Variants in ZNF236 observed in about 807,000 individuals in gnomAD.
ZNF236 encodes the protein regulated by glucose.
Under a neutral mutation model 191.2 loss-of-function variants are expected in ZNF236, and 50 were observed. The ratio of observed to expected loss-of-function variants is 0.26; its 90% CI spans 0.21 to 0.33. The LOEUF (loss-of-function observed/expected upper bound fraction) is 0.33. Among genes scored for constraint, ZNF236 ranks in the 10% least tolerant of loss-of-function variants. The pLI is 1.00. For synonymous variants in ZNF236, 907 were observed against 928.8 expected, an observed-to-expected ratio of 0.98 and a Z score of 0.43; for missense variants, 1,754 against 2,374.5, an observed-to-expected ratio of 0.74 and a Z score of 5.43.
chr18:76,889,589 A>G (rs1425159141), intron 9 of ZNF236, among the ~76,000 whole-genome samples: 2 of 152,366 alleles, frequency 1.3e-5, no homozygotes, highest in South Asian at 2.1e-4. Context: ...CTCATCTGTA[A>G]GGTGGGACTA....
intron 8 of ZNF236, 37 bp from the exon 9 acceptor site, chr18:76,881,247 C>T (rs375551842): frequency 5.1e-6 from 8 of 1,579,434 alleles, no homozygotes; most frequent in South Asian, 1.2e-5. Context: ...GTTGGGCCAT[C>T]GTTACCTTCT....
rs942309397 is a variant in ZNF236, at chr18:76,881,371, G to A, written c.1276G>A (p.Ala426Thr). 7 of 1,613,792 alleles carry A rather than the reference G, an allele frequency of 4.3e-6. No individual in the cohort carries two copies. The Admixed American group carries it at 6.7e-5, about 15-fold the overall frequency. Residue 426 changes from alanine (A) to threonine (T), a missense_variant, in exon 9 of 31, where the codon GCT becomes ACT. Coordinates refer to ENST00000320610, the MANE Select transcript of ZNF236 (RefSeq NM_001306089.2). ...SCHAKTSAPH[A>T]QNPDVSSVSN... is the part of the protein sequence containing the mutation. ...CCATGCCAAGACCTCTGCACCACACGCTCAAAACCCAGATGTTTCCAGCGT... is the reference window on the plus strand; with the variant it reads ...CCATGCCAAGACCTCTGCACCACACACTCAAAACCCAGATGTTTCCAGCGT...
intron 26 of ZNF236, among the ~76,000 whole-genome samples, chr18:76,947,117 TTCATA>T (rs1968283227): frequency 6.6e-6 from 1 of 152,190 alleles, no homozygotes; most frequent in Non-Finnish European, 1.5e-5. Context: ...TTCTGGGTAT[TTCATA>T]GAAATGTGAT....
intron 30 of ZNF236, among the ~76,000 whole-genome samples, chr18:76,966,356 C>A (rs1026844551): frequency 6.6e-6 from 1 of 151,960 alleles, no homozygotes; most frequent in Non-Finnish European, 1.5e-5. Flanking sequence ...CACACACACA[C>A]AGAGACACAC....
At chr18:76,933,298 G>A (rs1429278245) in intron 25 of ZNF236, among the ~76,000 whole-genome samples, 2 of 152,148 alleles carry the variant, frequency 1.3e-5, no homozygotes, top group African/African-American at 2.4e-5. Flanking sequence ...GTGAAACCCC[G>A]TCTCCATTAA....
intron 1 of ZNF236, among the ~76,000 whole-genome samples, chr18:76,827,375 A>G (rs1975048320): frequency 6.6e-6 from 1 of 151,912 alleles, no homozygotes; most frequent in Non-Finnish European, 1.5e-5. Flanking sequence ...TTTAGTAGAG[A>G]TGGGGTTTCA....
chr18:76,875,548 C>T lies in ZNF236; in HGVS notation c.724C>T (p.Leu242=), dbSNP rs751299893. ...AAAGGCTTTTAACCAGAAGGGGGCA[C>T]TGCAGACCCACATGATCAAGCACAC... ...CGKAFNQKGA[L]QTHMIKHTGE... Residue 242 remains leucine (L), a synonymous_variant, in exon 6 of 31, where the codon CTG becomes TTG. Coordinates refer to ENST00000320610, the MANE Select transcript of ZNF236 (RefSeq NM_001306089.2). This position sits in a 1 kb window ranked among gnomAD's most constrained non-coding sequence, Gnocchi z 4.3. 60 of 1,598,500 alleles carry T rather than the reference C, an allele frequency of 3.8e-5. No homozygotes were observed. The highest frequency in any genetic ancestry group is 1.4e-4 in the East Asian group (6 of 44,048).
Position 76,897,642 on chromosome 18 carries a change from T to C in ZNF236, c.1691-1377T>C, listed in dbSNP as rs537412425. ...ATGCACAGTACCAAACACAGTACTG[T>C]ACATAGGCACTGCCCATAGTACCAA... On this transcript the variant is annotated intron_variant, in intron 10 of 30. Transcript: ENST00000320610. Among the ~76,000 whole-genome samples, 7 of 151,418 alleles carry C rather than the reference T, an allele frequency of 4.6e-5. No individual in the cohort carries two copies. The South Asian group carries it at 1.5e-3, about 32-fold the overall frequency.
At chr18:76,940,215 A>ACGG in intron 26 of ZNF236, among the ~76,000 whole-genome samples, 1 of 145,542 alleles carries the variant, frequency 6.9e-6, no homozygotes, top group Non-Finnish European at 1.5e-5. Context: ...ATTTGGGAAC[A>ACGG]TGGTGGGCTG....
chr18:76,965,391 C>T (rs1968747540), intron 30 of ZNF236, among the ~76,000 whole-genome samples: 2 of 152,124 alleles, frequency 1.3e-5, no homozygotes, highest in African/African-American at 4.8e-5. Flanking sequence ...TCAGGTAAAT[C>T]AGGGACTTCT....
rs934383319 is a variant in ZNF236 at position 76,950,807 on chromosome 18, A to G, written c.4914+3155A>G. Among the ~76,000 whole-genome samples, 23 of 152,348 alleles carry G rather than the reference A, an allele frequency of 1.5e-4. 1 individual carries two copies. Among genetic ancestry groups the G allele is most frequent in the South Asian group, 1.4e-3 (7 of 4,828 alleles). ...GCCCAGATCCATCATAGGAATCACT[A>G]TCTATGTCGGCTACAGCCTTATGAG... On this transcript the variant is annotated intron_variant, in intron 27 of 30. Coordinates refer to ENST00000320610, the MANE Select transcript of ZNF236 (RefSeq NM_001306089.2).
At chr18:76,930,883 T>C (rs1486335338) in intron 25 of ZNF236, among the ~76,000 whole-genome samples, 1 of 152,222 alleles carries the variant, frequency 6.6e-6, no homozygotes, top group Non-Finnish European at 1.5e-5. Flanking sequence ...ACTTCACAGC[T>C]TAAAAAGTGT....
intron 10 of ZNF236, among the ~76,000 whole-genome samples, chr18:76,898,688 T>G (rs1420200613): frequency 2.6e-5 from 4 of 152,200 alleles, no homozygotes; most frequent in Non-Finnish European, 5.9e-5. Context: ...TTTAAGCCAC[T>G]TTACAGGTGG....
intron 3 of ZNF236, among the ~76,000 whole-genome samples, chr18:76,857,124 G>A (rs1005381174): frequency 2.6e-5 from 4 of 151,340 alleles, no homozygotes; most frequent in South Asian, 2.1e-4. Flanking sequence ...TCCTTCTCTC[G>A]CAGGGCCTCC....
At chr18:76,904,678 C>A (rs1320565208) in intron 12 of ZNF236, among the ~76,000 whole-genome samples, 157 bp downstream of exon 12, 2 of 152,098 alleles carry the variant, frequency 1.3e-5, no homozygotes, top group Non-Finnish European at 1.5e-5. Flanking sequence ...TATTTTTATT[C>A]TTTAATGTCT....
At chr18:76,871,980 C>T (rs914731697) in intron 5 of ZNF236, among the ~76,000 whole-genome samples, 155 bp downstream of exon 5, 1 of 152,122 alleles carries the variant, frequency 6.6e-6, no homozygotes, top group African/African-American at 2.4e-5. Context: ...GATTTTATTT[C>T]CTCACTTGAA....
At chr18:76,923,041 A>G (rs372286209) in intron 20 of ZNF236, 30 bp from the exon 21 acceptor site, 53 of 1,485,236 alleles carry the variant, frequency 3.6e-5, no homozygotes, top group Non-Finnish European at 4.4e-5. Flanking sequence ...TCGTTTGTCA[A>G]TATGTCTATA....
intron 20 of ZNF236, among the ~76,000 whole-genome samples, chr18:76,921,082 T>A (rs532291390): frequency 1.3e-4 from 20 of 152,342 alleles, no homozygotes; most frequent in Non-Finnish European, 2.4e-4. Context: ...TACTCTGTTC[T>A]ACAGAGGACA....
intron 13 of ZNF236, among the ~76,000 whole-genome samples, 188 bp from the exon 14 acceptor site, chr18:76,908,132 A>G (rs994495794): frequency 5.1e-4 from 77 of 152,208 alleles, no homozygotes; most frequent in African/African-American, 1.8e-3. Flanking sequence ...ACTTAAAGAT[A>G]AGGCAAACGA....
Sources: gnomAD v4.1 joint callset for allele counts (sites outside exome capture counted in the v4.1 genomes callset) on GRCh38, gnomAD v4.1.1 for gene constraint, Gnocchi (gnomAD v3.1) non-coding constraint, MANE v1.5 for transcripts, NCBI Gene and HGNC (gene_info 2026-07-23, HGNC 2026-07-21) for gene names.